NFIL3: variants seen among roughly 807,000 people sequenced by gnomAD.
NFIL3 encodes the protein nuclear factor, interleukin 3 regulated, also known as nuclear factor interleukin-3-regulated protein.
In NFIL3, 5 loss-of-function variants were observed where a neutral mutation model predicts 10.0. The observed-to-expected ratio is 0.50, with a 90% CI of 0.26 to 1.06. NFIL3 has a LOEUF of 1.06. NFIL3 is among the 50% of genes least tolerant of loss of function. The probability of loss-of-function intolerance (pLI) is 0.13; values close to 1 mark genes in which losing one functional copy is unlikely to be tolerated. For synonymous variants in NFIL3, 202 were observed against 206.5 expected (o/e 0.98, Z 0.19); for missense variants, 436 against 547.6 (o/e 0.80, Z 2.03).
the NFIL3 span, among the ~76,000 whole-genome samples, chr9:91,441,729 A>G: frequency 6.6e-6 from 1 of 152,218 alleles, no homozygotes; most frequent in Non-Finnish European, 1.5e-5. Context: ...AGAATTGACT[A>G]TTTTAAACAG....
At chr9:91,458,018 T>C in the NFIL3 span, among the ~76,000 whole-genome samples, 1 of 152,086 alleles carries the variant, frequency 6.6e-6, no homozygotes, top group Non-Finnish European at 1.5e-5. Flanking sequence ...AAACCCCACT[T>C]TGCCATGTTA....
At chr9:91,459,116 T>G in the NFIL3 span, among the ~76,000 whole-genome samples, 2 of 152,174 alleles carry the variant, frequency 1.3e-5, no homozygotes, top group Non-Finnish European at 2.9e-5. Context: ...TCTGAGTTAC[T>G]CCATGTTATT....
chr9:91,430,388 A>C, the NFIL3 span, among the ~76,000 whole-genome samples: 2 of 152,036 alleles, frequency 1.3e-5, no homozygotes, highest in Non-Finnish European at 2.9e-5. Context: ...TCATTCACTC[A>C]CTCCCTCACT....
the NFIL3 span, among the ~76,000 whole-genome samples, chr9:91,455,804 T>C: frequency 2.0e-5 from 3 of 152,188 alleles, no homozygotes; most frequent in African/African-American, 7.2e-5. Flanking sequence ...GCTATGCACG[T>C]GGGAGTTATT....
the NFIL3 span, among the ~76,000 whole-genome samples, chr9:91,479,814 G>A: frequency 6.6e-6 from 1 of 152,236 alleles, no homozygotes; most frequent in Non-Finnish European, 1.5e-5. Flanking sequence ...TGGTCTGCGG[G>A]TTGCAAAGAC....
the NFIL3 span, among the ~76,000 whole-genome samples, chr9:91,442,634 C>T: frequency 6.6e-6 from 1 of 152,166 alleles, no homozygotes; most frequent in African/African-American, 2.4e-5. Context: ...GCACAGGCAG[C>T]TCCAGGTGCC....
At chr9:91,413,312 A>G (rs1184795459) in intron 1 of NFIL3, among the ~76,000 whole-genome samples, 1 of 151,512 alleles carries the variant, frequency 6.6e-6, no homozygotes, top group Admixed American at 6.6e-5. Flanking sequence ...GCAGTGGTGC[A>G]ATCTTGGTGC....
the NFIL3 span, among the ~76,000 whole-genome samples, chr9:91,479,333 G>A: frequency 6.6e-6 from 1 of 152,208 alleles, no homozygotes; most frequent in East Asian, 1.9e-4. Flanking sequence ...TTCTTTCAGA[G>A]ATGCCCTGCC....
At chr9:91,453,441 G>A in the NFIL3 span, among the ~76,000 whole-genome samples, 1 of 151,964 alleles carries the variant, frequency 6.6e-6, no homozygotes. Context: ...TACCTCATAA[G>A]CCTTTGTCTT....
At chr9:91,451,030 C>A in the NFIL3 span, among the ~76,000 whole-genome samples, 1 of 152,120 alleles carries the variant, frequency 6.6e-6, no homozygotes, top group African/African-American at 2.4e-5. Flanking sequence ...ACTCTAAAAC[C>A]ATTTTCCTAG....
At chr9:91,473,962 G>A in the NFIL3 span, among the ~76,000 whole-genome samples, 2 of 152,108 alleles carry the variant, frequency 1.3e-5, no homozygotes, top group African/African-American at 4.8e-5. Flanking sequence ...TATTGCATTA[G>A]TGAGTACTTC....
the NFIL3 span, among the ~76,000 whole-genome samples, chr9:91,460,271 C>CTTTTTTTTGTTTTTTT: frequency 1.4e-5 from 1 of 70,444 alleles, no homozygotes; most frequent in Non-Finnish European, 2.4e-5. Context: ...GGGCTTGGTT[C>CTTTTTTTTGTTTTTTT]TTTTTTTTTT....
intron 1 of NFIL3, among the ~76,000 whole-genome samples, chr9:91,423,217 C>T (rs1833803670): frequency 6.6e-6 from 1 of 152,186 alleles, no homozygotes; most frequent in African/African-American, 2.4e-5. Context: ...ATTCCTCTCC[C>T]CCCTACGCCG....
rs1040134254 is a variant in NFIL3, at chr9:91,409,697, C to G, written c.1038G>C (p.Glu346Asp). ...TAGGTGAGGAAAGTTTTTGCGTGGC[C>G]TCAAATTCATTATCAAAGGCTTCTA... ...IKVEAFDNEF[E>D]ATQKLSSPID... Residue 346 changes from glutamate (E) to aspartate (D), a missense_variant, in exon 2 of 2, where the codon GAG becomes GAC. By Grantham distance (45) the Glu-to-Asp change is conservative (BLOSUM62 2). This residue lies in a region of NFIL3 where 338 missense variants were observed against 399.9 expected (regional missense o/e 0.85). Transcript: ENST00000297689. 4 of 1,614,156 alleles carry G rather than the reference C, an allele frequency of 2.5e-6. No individual in the cohort carries two copies. The highest frequency in any genetic ancestry group is 2.5e-6 in the Non-Finnish European group (3 of 1,180,040).
At chr9:91,433,003 G>A in the NFIL3 span, among the ~76,000 whole-genome samples, 1 of 151,900 alleles carries the variant, frequency 6.6e-6, no homozygotes, top group Non-Finnish European at 1.5e-5. Flanking sequence ...ATTTAAGTAG[G>A]AAAATAAACA....
the NFIL3 span, among the ~76,000 whole-genome samples, chr9:91,447,859 T>C: frequency 1.3e-5 from 2 of 152,222 alleles, no homozygotes; most frequent in Non-Finnish European, 2.9e-5. Flanking sequence ...TTTGTCTATT[T>C]TTCCCTTTTG....
chr9:91,440,890 T>A, the NFIL3 span, among the ~76,000 whole-genome samples: 1 of 152,278 alleles, frequency 6.6e-6, no homozygotes, highest in African/African-American at 2.4e-5. Context: ...TTTAGTTTTT[T>A]AAAATTTGTT....
At chr9:91,471,486 C>CT in the NFIL3 span, among the ~76,000 whole-genome samples, 20,883 of 131,940 alleles carry the variant, frequency 0.16, 1,655 homozygotes, top group East Asian at 0.33. Context: ...CAGTCTGTGT[C>CT]TTTTTTTTTT....
At chr9:91,449,850 A>T in the NFIL3 span, among the ~76,000 whole-genome samples, 1 of 151,966 alleles carries the variant, frequency 6.6e-6, no homozygotes, top group Non-Finnish European at 1.5e-5. Context: ...CTTTGTTGAG[A>T]CATTTTTGAT....
Sources: gnomAD v4.1 joint callset for allele counts (sites outside exome capture counted in the v4.1 genomes callset) on GRCh38, gnomAD v4.1.1 for gene constraint, gnomAD v4.1.1 regional missense constraint, MANE v1.5 for transcripts, NCBI Gene and HGNC (gene_info 2026-07-23, HGNC 2026-07-21) for gene names.